Variants in CREBRF observed in about 807,000 individuals in gnomAD.
CREBRF encodes CREB3 regulatory factor, also known as UPF0474 protein C5orf41.
In CREBRF, 5 loss-of-function variants were observed where a neutral mutation model predicts 66.1. That is an observed-to-expected ratio of 0.08 (90% CI 0.04 to 0.16). The LOEUF (loss-of-function observed/expected upper bound fraction) is 0.16, where lower values mean the gene tolerates loss of function less well. CREBRF is among the 10% of genes least tolerant of loss of function. CREBRF has a pLI of 1.00. For synonymous variants in CREBRF, 229 were observed against 264.4 expected (o/e 0.87, Z 1.30); for missense variants, 531 against 744.9 (o/e 0.71, Z 3.34).
chr5:173,060,352 T>C (rs967677248), intron 1 of CREBRF: 1 of 151,850 alleles, frequency 6.6e-6, no homozygotes, highest in East Asian at 1.9e-4. Context: ...TGCCCCAGCC[T>C]CCCGAGTAGC....
At chr5:173,122,882 AATG>A (rs1192905712) in intron 7 of CREBRF, among the ~76,000 whole-genome samples, 195 bp from the exon 8 acceptor site, 2 of 149,784 alleles carry the variant, frequency 1.3e-5, no homozygotes, top group African/African-American at 4.9e-5. Context: ...GTTTACTGAG[AATG>A]ATGATTTCCA....
chr5:173,104,145 G>A (rs1457113315), intron 4 of CREBRF, among the ~76,000 whole-genome samples: 1 of 152,148 alleles, frequency 6.6e-6, no homozygotes, highest in African/African-American at 2.4e-5. Context: ...TTTATTTACT[G>A]TTATGATTTC....
At chr5:173,100,516 C>T (rs1015582319) in intron 4 of CREBRF, among the ~76,000 whole-genome samples, 4 of 151,900 alleles carry the variant, frequency 2.6e-5, no homozygotes, top group Admixed American at 6.6e-5. Flanking sequence ...CTCCACCTCC[C>T]GGGTTCAAGC....
At chr5:173,108,301 A>G (rs770944079) in intron 4 of CREBRF, among the ~76,000 whole-genome samples, 12 of 152,170 alleles carry the variant, frequency 7.9e-5, no homozygotes, top group African/African-American at 4.8e-5. Context: ...TGATATTCCT[A>G]TAGCTGTCCT....
chr5:173,068,122 A>G (rs1374474648), intron 1 of CREBRF: 3 of 453,942 alleles, frequency 6.6e-6, no homozygotes, highest in Middle Eastern at 3.3e-4. Context: ...CTGGTTGTCA[A>G]AATTCCCAAG....
At chr5:173,080,848 A>C in intron 2 of CREBRF, 64 bp downstream of exon 2, 2 of 1,487,240 alleles carry the variant, frequency 1.3e-6, no homozygotes, top group Non-Finnish European at 1.9e-6. Context: ...AATACCTTTG[A>C]CTCTTAAATG....
At chr5:173,072,253 A>G (rs2113683130) in intron 1 of CREBRF, among the ~76,000 whole-genome samples, 1 of 151,746 alleles carries the variant, frequency 6.6e-6, no homozygotes, top group Middle Eastern at 3.4e-3. Flanking sequence ...GACTATAGGC[A>G]TGTGCCACCA....
intron 1 of CREBRF, among the ~76,000 whole-genome samples, chr5:173,063,840 GC>G (rs1421166367): frequency 6.6e-6 from 1 of 151,752 alleles, no homozygotes; most frequent in Non-Finnish European, 1.5e-5. Flanking sequence ...TCCTGCCTCA[GC>G]CTCCCAAGTA....
At chr5:173,067,498 T>A (rs1004346886) in intron 1 of CREBRF, among the ~76,000 whole-genome samples, 2 of 152,178 alleles carry the variant, frequency 1.3e-5, no homozygotes, top group Non-Finnish European at 2.9e-5. Context: ...TCTGGGAATG[T>A]ATACCCAATG....
intron 3 of CREBRF, among the ~76,000 whole-genome samples, chr5:173,087,186 A>G (rs1486081229): frequency 3.9e-5 from 6 of 152,038 alleles, no homozygotes; most frequent in Admixed American, 3.3e-4. Flanking sequence ...ACCTCAGGCT[A>G]TCCACCTGCC....
At chr5:173,104,129 A>G (rs1338341690) in intron 4 of CREBRF, among the ~76,000 whole-genome samples, 2 of 152,198 alleles carry the variant, frequency 1.3e-5, no homozygotes, top group Non-Finnish European at 2.9e-5. Flanking sequence ...TTTAGTGTTA[A>G]GTGGGTTTAT....
chr5:173,101,671 G>C (rs374156936), intron 4 of CREBRF, among the ~76,000 whole-genome samples: 21 of 151,850 alleles, frequency 1.4e-4, no homozygotes, highest in Admixed American at 6.6e-4. Context: ...TCCTGCCTCA[G>C]CCTCCTGAGT....
chr5:173,095,996 G>T (rs1469153558), intron 4 of CREBRF, among the ~76,000 whole-genome samples: 2 of 151,564 alleles, frequency 1.3e-5, no homozygotes, highest in African/African-American at 2.4e-5. Context: ...TTGAGACAGA[G>T]TCTTGCTCTG....
intron 1 of CREBRF, chr5:173,057,221 G>A (rs1757090951): frequency 7.0e-6 from 1 of 143,214 alleles, no homozygotes; most frequent in Admixed American, 7.0e-5. Context: ...TGCACCAATG[G>A]GCGTGGGGGA....
intron 4 of CREBRF, among the ~76,000 whole-genome samples, chr5:173,096,260 C>G (rs963436583): frequency 1.2e-4 from 19 of 152,136 alleles, no homozygotes; most frequent in Non-Finnish European, 2.5e-4. Flanking sequence ...TGAGCCACTG[C>G]GCCCAGCCTA....
intron 8 of CREBRF, among the ~76,000 whole-genome samples, chr5:173,128,850 G>A (rs576290271): frequency 4.0e-5 from 6 of 151,320 alleles, no homozygotes; most frequent in Non-Finnish European, 8.8e-5. Context: ...GCTCGATCTC[G>A]GCTCACCTTA....
intron 8 of CREBRF, among the ~76,000 whole-genome samples, chr5:173,132,693 G>C (rs1310264997): frequency 6.9e-6 from 1 of 144,886 alleles, no homozygotes; most frequent in Non-Finnish European, 1.5e-5. Context: ...TCCACCCCCC[G>C]GGTTCAAGCA....
intron 1 of CREBRF, among the ~76,000 whole-genome samples, chr5:173,071,615 A>T (rs552483136): frequency 8.0e-4 from 121 of 152,010 alleles, no homozygotes; most frequent in Admixed American, 2.6e-3. Context: ...AAGTGCTGGG[A>T]TTACAGGTAT....
intron 4 of CREBRF, among the ~76,000 whole-genome samples, chr5:173,095,133 G>A (rs1172066914): frequency 6.8e-6 from 1 of 147,840 alleles, no homozygotes; most frequent in Non-Finnish European, 1.5e-5. Flanking sequence ...TGTTTCATTG[G>A]TATATATGTC....
Sources: gnomAD v4.1 joint callset for allele counts (sites outside exome capture counted in the v4.1 genomes callset) on GRCh38, gnomAD v4.1.1 for gene constraint, MANE v1.5 for transcripts, NCBI Gene and HGNC (gene_info 2026-07-23, HGNC 2026-07-21) for gene names.